The following PDE10A variants were observed in gnomAD, a reference collection of about 807,000 sequenced individuals.
PDE10A encodes cAMP and cAMP-inhibited cGMP 3',5'-cyclic phosphodiesterase 10A.
A neutral mutation model predicts 97.7 loss-of-function variants in PDE10A; 39 were observed. The ratio of observed to expected loss-of-function variants is 0.40; its 90% CI spans 0.31 to 0.52. The LOEUF (loss-of-function observed/expected upper bound fraction) is 0.52, where lower values mean the gene tolerates loss of function less well. PDE10A is among the 20% of genes least tolerant of loss of function. The pLI is 0.56. For synonymous variants in PDE10A, 371 were observed against 376.8 expected, an observed-to-expected ratio of 0.98 and a Z score of 0.18; for missense variants, 731 against 1,047.8, an observed-to-expected ratio of 0.70 and a Z score of 4.17.
At chr6:165,876,751 C>T (rs925206085) in intron 1 of PDE10A, among the ~76,000 whole-genome samples, 3 of 152,180 alleles carry the variant, frequency 2.0e-5, no homozygotes, top group Non-Finnish European at 2.9e-5. Flanking sequence ...AGCCTGCAAA[C>T]GATCATAACA....
At chr6:165,947,596 C>A (rs1475279543) in intron 1 of PDE10A, among the ~76,000 whole-genome samples, 3 of 152,174 alleles carry the variant, frequency 2.0e-5, no homozygotes, top group Non-Finnish European at 4.4e-5. Flanking sequence ...GTGTCAAATT[C>A]TTAATGTAAT....
intron 1 of PDE10A, among the ~76,000 whole-genome samples, chr6:165,565,667 C>T (rs78353153): frequency 0.08 from 12,117 of 152,074 alleles, 808 homozygotes; most frequent in African/African-American, 0.18. Context: ...TGACAATACC[C>T]AACTTCAAGA....
Position 165,860,930 on chromosome 6 carries a change from C to A in PDE10A, c.-615+126599G>T, listed in dbSNP as rs1425349657. Among the ~76,000 whole-genome samples the A allele has an allele frequency of 2.0e-5, 3 of 152,356 alleles. No individual in the cohort carries two copies. In the East Asian group the frequency reaches 5.8e-4, roughly 29 times the overall value. The stretch of plus-strand genomic sequence containing the variant: ...AACAGCTTAAAAACATTCACTTTTG[C>A]ACATCACAGGTCAGAGTCCTGGGCC... On this transcript the variant is annotated intron_variant, in intron 1 of 19. Transcript: ENST00000366882.
chr6:165,344,836 CA>C (rs557061041), intron 18 of PDE10A, among the ~76,000 whole-genome samples: 94 of 152,280 alleles, frequency 6.2e-4, no homozygotes, highest in Non-Finnish European at 1.1e-3. Flanking sequence ...TAGACTAAAT[CA>C]CTTTACAAAC....
chr6:165,348,785 C>T (rs544010832), intron 18 of PDE10A, among the ~76,000 whole-genome samples: 2 of 152,256 alleles, frequency 1.3e-5, no homozygotes, highest in Non-Finnish European at 2.9e-5. Context: ...GCAGTTTCCC[C>T]CTTCCTGTTT....
intron 1 of PDE10A, among the ~76,000 whole-genome samples, chr6:165,733,878 A>G (rs1192030886): frequency 6.6e-6 from 1 of 152,180 alleles, no homozygotes; most frequent in Non-Finnish European, 1.5e-5. Flanking sequence ...AGGAAGAAAA[A>G]AAAAAACTGG....
chr6:165,779,743 G>A (rs1056414805), intron 1 of PDE10A, among the ~76,000 whole-genome samples: 1 of 152,120 alleles, frequency 6.6e-6, no homozygotes, highest in Non-Finnish European at 1.5e-5. Flanking sequence ...ATTCGTGTTC[G>A]ACTGCTGTGA....
intron 13 of PDE10A, among the ~76,000 whole-genome samples, chr6:165,409,851 A>T (rs1787590763): frequency 6.6e-6 from 1 of 151,836 alleles, no homozygotes; most frequent in Non-Finnish European, 1.5e-5. Context: ...CTAAATAATC[A>T]ATGTAAAAAT....
intron 1 of PDE10A, among the ~76,000 whole-genome samples, chr6:165,914,374 G>C (rs1782548050): frequency 6.6e-6 from 1 of 152,192 alleles, no homozygotes; most frequent in African/African-American, 2.4e-5. Flanking sequence ...GGAGTTATGA[G>C]CACATTTCAT....
At chr6:165,416,053 G>C (rs1788287873) in intron 12 of PDE10A, 136 bp downstream of exon 12, 1 of 661,786 alleles carries the variant, frequency 1.5e-6, no homozygotes. Flanking sequence ...TGATAGCAGA[G>C]TTGGTTCAGA....
Position 165,693,270 on chromosome 6 carries a change from C to T in PDE10A, c.-614-149702G>A, listed in dbSNP as rs968407651. ...CTGAGGCCGGGCACGGTGGCTCACGCCTGTAATCCCAGCACTTTGGGAGGC... is the reference window on the plus strand; with the variant it reads ...CTGAGGCCGGGCACGGTGGCTCACGTCTGTAATCCCAGCACTTTGGGAGGC... On this transcript the variant is annotated intron_variant, in intron 1 of 19. Coordinates refer to the PDE10A transcript ENST00000366882. 7.2e-5 allele frequency among the ~76,000 whole-genome samples: 11 copies of T among 152,000 alleles called. No homozygotes were observed. The East Asian group carries it at 2.1e-3, about 29-fold the overall frequency.
chr6:165,819,337 C>T lies in PDE10A; in HGVS notation c.-615+168192G>A, dbSNP rs1318363520. Among the ~76,000 whole-genome samples, 1 of 152,180 alleles carries T rather than the reference C, an allele frequency of 6.6e-6. No homozygotes were observed. Among genetic ancestry groups the T allele is most frequent in the Admixed American group, 6.5e-5 (1 of 15,276 alleles). On this transcript the variant is annotated intron_variant, in intron 1 of 19. Transcript: ENST00000366882. The surrounding 1 kb of genome is among the most constrained non-coding windows in gnomAD (Gnocchi z 4.2). ...AAGTATTTCTCCTTTCTTTAAAATC[C>T]CCACTTCCCCTGAGAGATTCAGATG...
Position 165,418,839 on chromosome 6 carries a change from CTT to C in PDE10A, c.1654-64_1654-63del. 1 of 1,389,050 alleles carries C rather than the reference CTT, an allele frequency of 7.2e-7. No individual in the cohort carries two copies. The highest frequency in any genetic ancestry group is 1.0e-6 in the Non-Finnish European group (1 of 992,280). The allele number at this position is 1,389,050 out of a possible 1,614,324, so 86.0% of individuals were successfully genotyped here. A position where few individuals can be genotyped will look rare whatever the true frequency, so the allele number is the denominator to read the frequency against. On this transcript the variant is annotated intron_variant, in intron 10 of 21. Coordinates refer to ENST00000539869, the MANE Select transcript of PDE10A (RefSeq NM_001385079.1). This position sits in a 1 kb window ranked among gnomAD's most constrained non-coding sequence, Gnocchi z 4.8. ...GACATTCAAAGAACTTGCAGGTAAACTTTATCATAAAATAAGTATTAATTTCA... is the reference window on the plus strand; with the variant it reads ...GACATTCAAAGAACTTGCAGGTAAACTATCATAAAATAAGTATTAATTTCA...
intron 1 of PDE10A, among the ~76,000 whole-genome samples, chr6:165,975,751 C>T (rs1784827638): frequency 6.6e-6 from 1 of 152,178 alleles, no homozygotes; most frequent in African/African-American, 2.4e-5. Context: ...TTAGTGGATA[C>T]TTGGCACATT....
At chr6:165,681,054 A>G (rs1172117090) in intron 1 of PDE10A, among the ~76,000 whole-genome samples, 1 of 152,222 alleles carries the variant, frequency 6.6e-6, no homozygotes, top group Non-Finnish European at 1.5e-5. Context: ...TTGCATATGA[A>G]GACGTCCTAG....
At chr6:165,417,450 T>C (rs1463395680) in intron 11 of PDE10A, among the ~76,000 whole-genome samples, 1 of 152,202 alleles carries the variant, frequency 6.6e-6, no homozygotes, top group Non-Finnish European at 1.5e-5. Context: ...CATTAACCAG[T>C]CATCTGAGAG....
chr6:165,559,147 C>T (rs896685821), intron 1 of PDE10A, among the ~76,000 whole-genome samples: 10 of 152,070 alleles, frequency 6.6e-5, no homozygotes, highest in African/African-American at 2.4e-4. Context: ...TATGCTAGAA[C>T]ATGATTAAAA....
At chr6:165,857,704 T>A (rs1780783370) in intron 1 of PDE10A, among the ~76,000 whole-genome samples, 1 of 111,268 alleles carries the variant, frequency 9.0e-6, no homozygotes, top group Admixed American at 1.0e-4. Context: ...GTTCCGTGTG[T>A]GTGTGTGTGT....
At chr6:165,486,368 T>C (rs1432973738) in intron 2 of PDE10A, among the ~76,000 whole-genome samples, 1 of 152,198 alleles carries the variant, frequency 6.6e-6, no homozygotes, top group African/African-American at 2.4e-5. Context: ...ACTGGATGGC[T>C]TTCTGGTTTC....
Sources: gnomAD v4.1 joint callset for allele counts (sites outside exome capture counted in the v4.1 genomes callset) on GRCh38, gnomAD v4.1.1 for gene constraint, Gnocchi (gnomAD v3.1) non-coding constraint, MANE v1.5 for transcripts, NCBI Gene and HGNC (gene_info 2026-07-23, HGNC 2026-07-21) for gene names.